The following SLC35B4 variants were observed in gnomAD, a reference collection of about 807,000 sequenced individuals.
The protein encoded by SLC35B4 is solute carrier family 35 member B4, also known as nucleotide sugar transporter SLC35B4.
SLC35B4 carries 28 observed loss-of-function variants against 39.5 expected under a neutral mutation model. That is an observed-to-expected ratio of 0.71 (90% CI 0.53 to 0.97). The LOEUF (loss-of-function observed/expected upper bound fraction) is 0.97, where lower values mean the gene tolerates loss of function less well. Among genes scored for constraint, SLC35B4 ranks in the 50% least tolerant of loss-of-function variants. The pLI is 0.00. For missense variants in SLC35B4, 334 were observed against 414.3 expected, an observed-to-expected ratio of 0.81 and a Z score of 1.68; for synonymous variants, 145 against 150.4, an observed-to-expected ratio of 0.96 and a Z score of 0.26.
At chr7:134,312,042 C>G (rs1168541346) in intron 1 of SLC35B4, among the ~76,000 whole-genome samples, 1 of 152,134 alleles carries the variant, frequency 6.6e-6, no homozygotes, top group African/African-American at 2.4e-5. Flanking sequence ...ATATGAGTGC[C>G]TATCTCTGAT....
At chr7:134,296,322 AGAATGACCATTCC>A in intron 9 of SLC35B4, 56 bp downstream of exon 9, 8 of 1,335,836 alleles carry the variant, frequency 6.0e-6, no homozygotes, top group Non-Finnish European at 8.5e-6. Flanking sequence ...TTAGAAGAAA[AGAATGACCATTCC>A]TGTGCCAAAA....
rs376696163 is a variant in SLC35B4, at chr7:134,311,570, A to T, written c.78-2091T>A. On this transcript the variant is annotated intron_variant, in intron 1 of 9. Coordinates refer to ENST00000378509, the MANE Select transcript of SLC35B4 (RefSeq NM_032826.5). The stretch of plus-strand genomic sequence containing the variant: ...CTCGGGAGGCTGAGGCAGGAGAATC[A>T]CTTGAACCTGGGAGGTGGAGGTTGC... Among the ~76,000 whole-genome samples the T allele has an allele frequency of 8.0e-4, 122 of 152,178 alleles. 1 individual carries two copies. In the South Asian group the frequency reaches 0.023, roughly 29 times the overall value.
intron 4 of SLC35B4, 29 bp from the exon 5 acceptor site, chr7:134,302,139 C>A (rs1410615833): frequency 6.4e-7 from 1 of 1,568,914 alleles, no homozygotes; most frequent in East Asian, 2.2e-5. Flanking sequence ...AGAAGAAAAA[C>A]ACCTTAGGAA....
chr7:134,299,256 A>G (rs905143567), intron 8 of SLC35B4: 2 of 372,532 alleles, frequency 5.4e-6, no homozygotes, highest in Non-Finnish European at 9.9e-6. Context: ...TCAAAACATC[A>G]AACATTTCAC....
intron 4 of SLC35B4, among the ~76,000 whole-genome samples, chr7:134,303,336 T>C (rs1317013773): frequency 6.6e-6 from 1 of 152,130 alleles, no homozygotes; most frequent in Non-Finnish European, 1.5e-5. Flanking sequence ...TCTTATAACA[T>C]GTTCTTTTGT....
chr7:134,316,595 G>C (rs893547836), intron 1 of SLC35B4, 80 bp downstream of exon 1: 7 of 1,438,224 alleles, frequency 4.9e-6, no homozygotes, highest in Admixed American at 2.0e-5. Flanking sequence ...CAGGGCGTGG[G>C]CGCGTCCCGG....
chr7:134,314,514 C>G (rs1329683619), intron 1 of SLC35B4, among the ~76,000 whole-genome samples: 1 of 152,108 alleles, frequency 6.6e-6, no homozygotes, highest in Non-Finnish European at 1.5e-5. Flanking sequence ...ATGGCTGGCC[C>G]GATGGTATCA....
rs1277191794 is a variant in SLC35B4, at chr7:134,291,651, G to A, written c.*3182C>T. On this transcript the variant is annotated 3_prime_UTR_variant, in exon 10 of 10. Transcript: ENST00000378509. ...GTAGCACTGACCAAATCAAAATACT[G>A]CAGCGTTTCACTGTGGTTAACAGGA... 1 of 152,140 alleles carries A rather than the reference G, an allele frequency of 6.6e-6. No homozygotes were observed. The highest frequency in any genetic ancestry group is 1.5e-5 in the Non-Finnish European group (1 of 68,010). 9.4% of individuals were successfully genotyped at this position (152,140 alleles called of 1,614,324 possible). A position where few individuals can be genotyped will look rare whatever the true frequency, so the allele number is the denominator to read the frequency against.
chr7:134,300,498 T>C (rs1227144434), intron 6 of SLC35B4, among the ~76,000 whole-genome samples: 9 of 152,200 alleles, frequency 5.9e-5, no homozygotes, highest in Admixed American at 3.9e-4. Context: ...TCAGATTGCA[T>C]ATGGAATTTT....
In SLC35B4 at chr7:134,295,020, G is replaced by A. The variant is rs766546718; in HGVS notation, c.809C>T (p.Thr270Met). The A allele has an allele frequency of 1.4e-5, 23 of 1,614,104 alleles. No homozygotes were observed. The highest frequency in any genetic ancestry group is 2.2e-5 in the East Asian group (1 of 44,894). Residue 270 changes from threonine (T) to methionine (M), a missense_variant, in exon 10 of 10, where the codon ACG becomes ATG. By Grantham distance (81) the Thr-to-Met change is moderately conservative. Transcript: ENST00000378509. ...LTTECASLTV[T>M]LVVTLRKFVS... is the part of the protein sequence containing the mutation. The stretch of plus-strand genomic sequence containing the variant: ...AAATTTGCGTAGGGTCACGACGAGC[G>A]TGACGGTGAGGGAGGCGCATTCTGT...
At chr7:134,309,592 C>A (rs1019013480) in intron 1 of SLC35B4, 113 bp from the exon 2 acceptor site, 3 of 701,012 alleles carry the variant, frequency 4.3e-6, no homozygotes, top group East Asian at 5.4e-5. Flanking sequence ...TTTCAATTAC[C>A]CACTGTCCTT....
chr7:134,302,822 A>G (rs1239192817), intron 4 of SLC35B4, among the ~76,000 whole-genome samples: 4 of 152,170 alleles, frequency 2.6e-5, no homozygotes, highest in East Asian at 1.9e-4. Context: ...ACTCAAATAC[A>G]TAGTATTGTC....
At position 134,304,863 on chromosome 7, in the gene SLC35B4, G is replaced by T; in HGVS notation, c.295-9C>A. 1 of 1,611,212 alleles carries T rather than the reference G, an allele frequency of 6.2e-7. No homozygotes were observed. ...TTGGCAATTAGAGAACCCTGCAAAA[G>T]GAGACAACAGTAACAGAGAGGTTTA... On this transcript the variant is annotated splice_polypyrimidine_tract_variant and intron_variant, in intron 3 of 9. Transcript: ENST00000378509.
chr7:134,314,280 C>T (rs2117323149), intron 1 of SLC35B4, among the ~76,000 whole-genome samples: 1 of 152,292 alleles, frequency 6.6e-6, no homozygotes, highest in African/African-American at 2.4e-5. Flanking sequence ...CATCTCACTT[C>T]ATCCTTCAAA....
chr7:134,317,670 A>G (rs1804021377), upstream of SLC35B4, among the ~76,000 whole-genome samples: 1 of 152,234 alleles, frequency 6.6e-6, no homozygotes, highest in Non-Finnish European at 1.5e-5. Flanking sequence ...TTTAATGGTG[A>G]AAAGAAGGCA....
At chr7:134,296,311 G>A (rs1248073766) in intron 9 of SLC35B4, 80 bp downstream of exon 9, 10 of 1,242,906 alleles carry the variant, frequency 8.0e-6, no homozygotes, top group Non-Finnish European at 1.2e-5. Context: ...TCAACACACT[G>A]TTAGAAGAAA....
At chr7:134,314,474 T>C (rs1803923385) in intron 1 of SLC35B4, among the ~76,000 whole-genome samples, 1 of 152,366 alleles carries the variant, frequency 6.6e-6, no homozygotes, top group Non-Finnish European at 1.5e-5. Context: ...TCAACACAAA[T>C]ATTACCATTA....
intron 6 of SLC35B4, among the ~76,000 whole-genome samples, 182 bp downstream of exon 6, chr7:134,301,579 G>A (rs1237154732): frequency 6.6e-6 from 1 of 152,146 alleles, no homozygotes. Flanking sequence ...ATGAATGTGG[G>A]GGCATTTTCT....
chr7:134,299,406 G>C (rs896319807), intron 8 of SLC35B4, 117 bp downstream of exon 8: 2 of 678,616 alleles, frequency 2.9e-6, no homozygotes, highest in Middle Eastern at 2.5e-4. Context: ...AGACATTTTC[G>C]AAAGGAACAC....
Sources: gnomAD v4.1 joint callset for allele counts (sites outside exome capture counted in the v4.1 genomes callset) on GRCh38, gnomAD v4.1.1 for gene constraint, MANE v1.5 for transcripts, NCBI Gene and HGNC (gene_info 2026-07-23, HGNC 2026-07-21) for gene names.